Variants in SSX2IP observed in about 807,000 individuals in gnomAD.
SSX2IP encodes the protein SSX family member 2 interacting protein.
Under a neutral mutation model 84.9 loss-of-function variants are expected in SSX2IP, and 55 were observed. That is an observed-to-expected ratio of 0.65 (90% CI 0.52 to 0.81). The LOEUF is 0.81. Ranked by LOEUF, SSX2IP falls within the 30% of genes least tolerant of loss-of-function variation. The pLI, the probability that SSX2IP is intolerant of heterozygous loss-of-function variation, is 0.00. For synonymous variants in SSX2IP, 239 were observed against 234.7 expected, an observed-to-expected ratio of 1.02 and a Z score of -0.17; for missense variants, 664 against 705.2, an observed-to-expected ratio of 0.94 and a Z score of 0.66.
intron 1 of SSX2IP, among the ~76,000 whole-genome samples, chr1:84,677,738 G>T (rs536838674): frequency 5.2e-4 from 79 of 152,282 alleles, no homozygotes; most frequent in African/African-American, 1.9e-3. Flanking sequence ...TCTATGAGAG[G>T]TCCGTGTGGC....
At chr1:84,650,155 C>A (rs1053240927) in intron 13 of SSX2IP, 5 of 622,592 alleles carry the variant, frequency 8.0e-6, no homozygotes, top group Non-Finnish European at 1.4e-5. Flanking sequence ...GACAACAGAT[C>A]TACCTGTTCA....
chr1:84,675,235 T>C (rs1315835923), intron 1 of SSX2IP, among the ~76,000 whole-genome samples: 1 of 152,226 alleles, frequency 6.6e-6, no homozygotes, highest in South Asian at 2.1e-4. Flanking sequence ...TAAGCCATTG[T>C]ATAGTGGACA....
chr1:84,681,622 T>A (rs1263962980), intron 1 of SSX2IP, among the ~76,000 whole-genome samples: 2 of 152,184 alleles, frequency 1.3e-5, no homozygotes, highest in Non-Finnish European at 2.9e-5. Flanking sequence ...CATGTATTAT[T>A]CTGTAAAATT....
In SSX2IP at chr1:84,651,945, T is replaced by G. The variant is rs1327771344; in HGVS notation, c.1442A>C (p.Asn481Thr). The G allele has an allele frequency of 1.9e-6, 3 of 1,614,080 alleles. No homozygotes were observed. The highest frequency in any genetic ancestry group is 2.5e-6 in the Non-Finnish European group (3 of 1,179,944). The change falls in exon 12 of 14, where the codon AAT becomes ACT. Residue 481 changes from asparagine to threonine, a missense_variant. Transcript: ENST00000342203. Reference sequence around the variant, plus strand: ...GTTCTGGTGGTCAAAGGTAGTCATATTTAGAAACTGCTGCTTTAACCAACT... The same window carrying G: ...GTTCTGGTGGTCAAAGGTAGTCATAGTTAGAAACTGCTGCTTTAACCAACT... ...RASWLKQQFL[N>T]MTTFDHQNSE...
At chr1:84,670,272 G>GA (rs1285824190) in intron 3 of SSX2IP, 1 of 174,236 alleles carries the variant, frequency 5.7e-6, no homozygotes, top group East Asian at 1.6e-4. Context: ...TAGAAAAATA[G>GA]AAAACTATCT....
intron 11 of SSX2IP, chr1:84,655,327 A>C (rs1241928461): frequency 9.2e-7 from 1 of 1,081,210 alleles, no homozygotes; most frequent in Admixed American, 4.6e-5. Flanking sequence ...TTTTAACCTT[A>C]TTCAGACATT....
chr1:84,669,008 C>T (rs1653148781), intron 4 of SSX2IP, among the ~76,000 whole-genome samples: 1 of 151,862 alleles, frequency 6.6e-6, no homozygotes, highest in African/African-American at 2.4e-5. Context: ...TCCCAACCAC[C>T]CCACGATTTT....
intron 13 of SSX2IP, among the ~76,000 whole-genome samples, chr1:84,647,873 C>T (rs1649676353): frequency 6.6e-6 from 1 of 151,992 alleles, no homozygotes; most frequent in Non-Finnish European, 1.5e-5. Flanking sequence ...TGGTGAAACC[C>T]TGTCTCTACA....
chr1:84,674,317 G>T (rs992203662), intron 1 of SSX2IP, among the ~76,000 whole-genome samples: 34 of 152,062 alleles, frequency 2.2e-4, no homozygotes, highest in African/African-American at 8.2e-4. Flanking sequence ...TAGACACAGG[G>T]CTATTTGGTA....
rs771158976 is a variant in SSX2IP at position 84,664,207 on chromosome 1, T to C, written c.673+210A>G. 5.5e-4 allele frequency among the ~76,000 whole-genome samples: 83 copies of C among 152,182 alleles called. 1 individual carries two copies. Among genetic ancestry groups the C allele is most frequent in the Non-Finnish European group, 8.2e-4 (56 of 68,020 alleles). On this transcript the variant is annotated intron_variant, in intron 6 of 13. Transcript: ENST00000342203. Reference sequence around the variant, plus strand: ...ATTCTACACTGGTCATGTTAAAAAATACATGCAATTAAATAAAGCAAGGCA... The same window carrying C: ...ATTCTACACTGGTCATGTTAAAAAACACATGCAATTAAATAAAGCAAGGCA...
chr1:84,656,160 T>C (rs1256966910), intron 10 of SSX2IP, 155 bp from the exon 11 acceptor site: 1 of 941,342 alleles, frequency 1.1e-6, no homozygotes, highest in African/African-American at 1.7e-5. Flanking sequence ...TCCCGAAACC[T>C]ACTACCCCAA....
intron 1 of SSX2IP, among the ~76,000 whole-genome samples, chr1:84,679,097 A>G (rs537071297): frequency 6.6e-6 from 1 of 152,328 alleles, no homozygotes. Context: ...TAAGAAGATA[A>G]AACTAAGTCA....
chr1:84,670,668 T>C lies in SSX2IP; in HGVS notation c.191A>G (p.Gln64Arg), dbSNP rs1279774712. Residue 64 changes from glutamine to arginine, a missense_variant, in exon 3 of 14, where the codon CAG becomes CGG. By Grantham distance (43) the Gln-to-Arg change is conservative. Coordinates refer to ENST00000342203, the MANE Select transcript of SSX2IP (RefSeq NM_001166293.2). ...SAFCTEDNIE[Q>R]SISYLDQELT... The stretch of plus-strand genomic sequence containing the variant: ...TACCTGATCAAGATATGAGATACTC[T>C]GTTCAATATTATCTTCTGTGCAGAA... 1.9e-6 allele frequency: 3 copies of C among 1,608,276 alleles called. No homozygotes were observed. The highest frequency in any genetic ancestry group is 1.7e-5 in the Admixed American group (1 of 59,482).
Position 84,669,867 on chromosome 1 carries a change from T to C in SSX2IP, c.240A>G (p.Ser80=). ...CTTTACCTTTGGATTCTTCATATAA[T>C]GAAGGAAAACCAAAAGTAGTCAATT... The part of the protein sequence containing the change: ...DQELTTFGFP[S]LYEESKGKET... Residue 80 remains serine (S), a synonymous_variant, in exon 4 of 14, where the codon TCA becomes TCG. Coordinates refer to ENST00000342203, the MANE Select transcript of SSX2IP (RefSeq NM_001166293.2). The C allele has an allele frequency of 6.2e-7, 1 of 1,613,112 alleles. No homozygotes were observed.
chr1:84,650,474 G>C lies in SSX2IP; in HGVS notation c.1558C>G (p.His520Asp), dbSNP rs761182575. 1.2e-6 allele frequency: 2 copies of C among 1,614,184 alleles called. No individual in the cohort carries two copies. The highest frequency in any genetic ancestry group is 8.5e-7 in the Non-Finnish European group (1 of 1,180,036). ...ACTGGAGACCCATTAGACACACTGTGAGGCTTCTTTTGCGGCTGCCTCGAG... is the reference window on the plus strand; with the variant it reads ...ACTGGAGACCCATTAGACACACTGTCAGGCTTCTTTTGCGGCTGCCTCGAG... ...VHSRQPQKKP[H>D]SVSNGSPVCM... is the part of the protein sequence containing the mutation. The change falls in exon 13 of 14, where the codon CAC (histidine) becomes GAC (aspartate). Residue 520 changes from histidine to aspartate, a missense_variant. His to Asp is a moderately conservative substitution (Grantham distance 81). Coordinates refer to ENST00000342203, the MANE Select transcript of SSX2IP (RefSeq NM_001166293.2).
chr1:84,657,587 T>C (rs954941088), intron 9 of SSX2IP, among the ~76,000 whole-genome samples: 8 of 152,170 alleles, frequency 5.3e-5, no homozygotes, highest in Non-Finnish European at 8.8e-5. Context: ...TTTTCTCTTT[T>C]TGGGGGGGAA....
chr1:84,644,832 A>G lies in SSX2IP; in HGVS notation c.*2601T>C, dbSNP rs1055027494. On this transcript the variant is annotated 3_prime_UTR_variant, in exon 14 of 14. Transcript: ENST00000342203. ...CTTTACAAATAACAGTATTTCAATT[A>G]TGCCATGTAAGTAAACAATTTGCTG... The G allele has an allele frequency of 6.6e-6, 1 of 152,246 alleles. No individual in the cohort carries two copies. The highest frequency in any genetic ancestry group is 2.4e-5 in the African/African-American group (1 of 41,462). The allele number at this position is 152,246 out of a possible 1,614,324, so 9.4% of individuals were successfully genotyped here. A position where few individuals can be genotyped will look rare whatever the true frequency, so the allele number is the denominator to read the frequency against.
chr1:84,658,776 C>T (rs1557482675), intron 8 of SSX2IP, among the ~76,000 whole-genome samples: 1 of 152,190 alleles, frequency 6.6e-6, no homozygotes, highest in South Asian at 2.1e-4. Context: ...TAACCCTCAG[C>T]TCATTACAAT....
intron 5 of SSX2IP, among the ~76,000 whole-genome samples, chr1:84,665,614 A>G (rs1429950054): frequency 6.6e-6 from 1 of 151,764 alleles, no homozygotes; most frequent in Non-Finnish European, 1.5e-5. Flanking sequence ...GAATTCTGCT[A>G]AGTAACCACT....
Sources: gnomAD v4.1 joint callset for allele counts (sites outside exome capture counted in the v4.1 genomes callset) on GRCh38, gnomAD v4.1.1 for gene constraint, MANE v1.5 for transcripts, NCBI Gene and HGNC (gene_info 2026-07-23, HGNC 2026-07-21) for gene names.